Variants in SCN10A observed in about 807,000 individuals in gnomAD.
SCN10A encodes sodium channel protein type 10 subunit alpha.
In SCN10A, 162 loss-of-function variants were observed where a neutral mutation model predicts 170.7. The observed-to-expected ratio is 0.95, with a 90% CI of 0.84 to 1.08. The LOEUF (loss-of-function observed/expected upper bound fraction) is 1.08, where lower values mean the gene tolerates loss of function less well. Among genes scored for constraint, SCN10A ranks in the 50% least tolerant of loss-of-function variants. The pLI is 0.00. For synonymous variants in SCN10A, 985 were observed against 904.6 expected, an observed-to-expected ratio of 1.09 and a Z score of -1.59; for missense variants, 2,527 against 2,436.9, an observed-to-expected ratio of 1.04 and a Z score of -0.78.
At chr3:38,751,268 C>T (rs889694111) in intron 12 of SCN10A, among the ~76,000 whole-genome samples, 3 of 152,200 alleles carry the variant, frequency 2.0e-5, no homozygotes, top group African/African-American at 7.2e-5. Flanking sequence ...TCCTTTCCTT[C>T]ATCCCTTCAG....
intron 1 of SCN10A, among the ~76,000 whole-genome samples, chr3:38,813,597 A>G (rs1291236231): frequency 6.6e-6 from 1 of 152,200 alleles, no homozygotes; most frequent in Non-Finnish European, 1.5e-5. Context: ...CACAAGGCCT[A>G]TGCTCTTAGC....
chr3:38,730,609 G>C (rs1052287280), intron 15 of SCN10A, among the ~76,000 whole-genome samples: 2 of 152,010 alleles, frequency 1.3e-5, no homozygotes, highest in African/African-American at 4.8e-5. Context: ...GATATAATAT[G>C]TTAAAGAAAT....
At position 38,742,503 on chromosome 3, in the gene SCN10A, G is replaced by T; in HGVS notation, c.1894C>A (p.Pro632Thr). The change falls in exon 14 of 28, where the codon CCA (proline) becomes ACA (threonine). Residue 632 changes from proline to threonine, a missense_variant. Coordinates refer to ENST00000449082, the MANE Select transcript of SCN10A (RefSeq NM_006514.4). The stretch of plus-strand genomic sequence containing the variant: ...TGAGACAAGCTGGTCAAGCAGGGTG[G>T]GCACTTCTGTTCAGACTCCTCGAGT... Reference protein sequence around the residue: ...EELEESEQKCPPCLTSLSQKY... With the variant: ...EELEESEQKCTPCLTSLSQKY... The T allele has an allele frequency of 6.2e-7, 1 of 1,614,108 alleles. No individual in the cohort carries two copies.
At position 38,719,901 on chromosome 3, in the gene SCN10A, G is replaced by C. The variant is rs548928131; in HGVS notation, c.3508-1075C>G. ...CTGCTGGGAGTGTCGGCTGCTAATA[G>C]TTCATGGATGCAGACACCCCCTTCC... On this transcript the variant is annotated intron_variant, in intron 20 of 27. Transcript: ENST00000449082. Among the ~76,000 whole-genome samples the C allele has an allele frequency of 1.5e-4, 23 of 152,344 alleles. No homozygotes were observed. In the South Asian group the frequency reaches 3.7e-3, roughly 25 times the overall value.
At chr3:38,721,474 G>A (rs1354705821) in intron 20 of SCN10A, among the ~76,000 whole-genome samples, 4 of 152,284 alleles carry the variant, frequency 2.6e-5, no homozygotes, top group South Asian at 2.1e-4. Flanking sequence ...GTCTATTGGC[G>A]GAGTAGTTGA....
At position 38,725,074 on chromosome 3, in the gene SCN10A, C is replaced by G. The variant is rs1275231481; in HGVS notation, c.3228+100G>C. ...ATGAGGTTATGTGATTGAGTGCAGT[C>G]TGGAATACCCCACCTTCACCGCCAC... On this transcript the variant is annotated intron_variant, in intron 18 of 27. Coordinates refer to ENST00000449082, the MANE Select transcript of SCN10A (RefSeq NM_006514.4). 4 of 1,185,218 alleles carry G rather than the reference C, an allele frequency of 3.4e-6. No individual in the cohort carries two copies. The African/African-American group carries it at 6.2e-5, about 18-fold the overall frequency. The allele number at this position is 1,185,218 out of a possible 1,614,324, so 73.4% of individuals were successfully genotyped here. A position where few individuals can be genotyped will look rare whatever the true frequency, so the allele number is the denominator to read the frequency against.
Position 38,697,587 on chromosome 3 carries a change from C to G in SCN10A, c.5633G>C (p.Cys1878Ser). ...HRSMALSNTP[C>S]VPRAEEEAAS... ...AGCCTCCTCCTCAGCTCTGGGCACA[C>G]ATGGGGTGTTAGAGAGTGCCATGGA... is the stretch of plus-strand genomic sequence containing the variant. Residue 1878 changes from cysteine (C) to serine (S), a missense_variant, in exon 28 of 28, where the codon TGT becomes TCT. Coordinates refer to ENST00000449082, the MANE Select transcript of SCN10A (RefSeq NM_006514.4). 1 of 1,614,170 alleles carries G rather than the reference C, an allele frequency of 6.2e-7. No homozygotes were observed. The highest frequency in any genetic ancestry group is 1.6e-4 in the Middle Eastern group (1 of 6,062).
At position 38,742,257 on chromosome 3, in the gene SCN10A, C is replaced by A. The variant is rs368186964; in HGVS notation, c.2106+34G>T. ...CATCATCCCCACCCCGCCCCGACCACGCCAGTGAGGGCAGTACCAGCCAGA... is the reference window on the plus strand; with the variant it reads ...CATCATCCCCACCCCGCCCCGACCAAGCCAGTGAGGGCAGTACCAGCCAGA... On this transcript the variant is annotated intron_variant, in intron 14 of 27. Transcript: ENST00000449082. The A allele has an allele frequency of 1.1e-4, 165 of 1,529,584 alleles. 1 individual carries two copies. Among genetic ancestry groups the A allele is most frequent in the Admixed American group, 9.4e-4 (56 of 59,772 alleles). The allele number at this position is 1,529,584 out of a possible 1,614,324, so 94.8% of individuals were successfully genotyped here. A position where few individuals can be genotyped will look rare whatever the true frequency, so the allele number is the denominator to read the frequency against.
intron 1 of SCN10A, among the ~76,000 whole-genome samples, chr3:38,807,809 T>G (rs192783691): frequency 6.6e-6 from 1 of 152,240 alleles, no homozygotes; most frequent in South Asian, 2.1e-4. Context: ...AAGCACGCAG[T>G]TGCTCACATC....
intron 5 of SCN10A, among the ~76,000 whole-genome samples, chr3:38,771,054 T>G (rs1185530710): frequency 6.6e-6 from 1 of 152,220 alleles, no homozygotes; most frequent in African/African-American, 2.4e-5. Context: ...CTCACAGTTT[T>G]TCACCTGTCT....
chr3:38,742,286 C>T lies in SCN10A; in HGVS notation c.2106+5G>A. ...AGTGAGGGCAGTACCAGCCAGAGCA[C>T]TCACGATGTTGCCTATCTGGAGCAT... On this transcript the variant is annotated splice_donor_5th_base_variant and intron_variant, in intron 14 of 27. Transcript: ENST00000449082. 6.2e-7 allele frequency: 1 copy of T among 1,610,126 alleles called. No individual in the cohort carries two copies. Among genetic ancestry groups the T allele is most frequent in the African/African-American group, 1.3e-5 (1 of 74,880 alleles).
chr3:38,777,872 G>A (rs964800583), intron 4 of SCN10A, among the ~76,000 whole-genome samples: 3 of 152,056 alleles, frequency 2.0e-5, no homozygotes, highest in Non-Finnish European at 2.9e-5. Context: ...AATATTGGAA[G>A]CCTATCTCAT....
At chr3:38,738,474 C>A (rs533085687) in intron 15 of SCN10A, among the ~76,000 whole-genome samples, 1 of 152,296 alleles carries the variant, frequency 6.6e-6, no homozygotes, top group South Asian at 2.1e-4. Context: ...GATAGGGTCC[C>A]AAGCAGATCT....
At chr3:38,764,105 A>T (rs1410102261) in intron 5 of SCN10A, among the ~76,000 whole-genome samples, 1 of 152,256 alleles carries the variant, frequency 6.6e-6, no homozygotes, top group Non-Finnish European at 1.5e-5. Flanking sequence ...CCTTCTTCAG[A>T]GTGTGAGCCT....
chr3:38,774,664 G>A (rs1479492393), intron 4 of SCN10A, among the ~76,000 whole-genome samples: 1 of 152,102 alleles, frequency 6.6e-6, no homozygotes, highest in African/African-American at 2.4e-5. Context: ...AATTCTGAAT[G>A]GATCACTGAG....
chr3:38,751,113 G>T (rs2063742562), intron 12 of SCN10A, among the ~76,000 whole-genome samples: 1 of 152,220 alleles, frequency 6.6e-6, no homozygotes, highest in South Asian at 2.1e-4. Context: ...GATAGAAGGA[G>T]AGACAAGTCA....
intron 15 of SCN10A, among the ~76,000 whole-genome samples, chr3:38,738,434 G>C (rs1370170189): frequency 6.6e-6 from 1 of 152,190 alleles, no homozygotes; most frequent in Non-Finnish European, 1.5e-5. Flanking sequence ...GCCAAGTTCA[G>C]GGGCTCAGCA....
chr3:38,741,289 A>AACACACAC (rs60874265), intron 14 of SCN10A, among the ~76,000 whole-genome samples: 1,903 of 146,760 alleles, frequency 0.013, 20 homozygotes, highest in African/African-American at 0.026. Context: ...CGTGTGTTTG[A>AACACACAC]ACACACACAC....
chr3:38,765,588 G>A lies in SCN10A; in HGVS notation c.600-1992C>T, dbSNP rs182549545. Among the ~76,000 whole-genome samples, 554 of 152,176 alleles carry A rather than the reference G, an allele frequency of 3.6e-3. 6 individuals carry two copies. The highest frequency in any genetic ancestry group is 0.013 in the African/African-American group (523 of 41,530). ...GGTCTATGTGCTTATTTTTATACCA[G>A]TATCATGCTGTTTTGGTACAGGCTA... On this transcript the variant is annotated intron_variant, in intron 5 of 27. Transcript: ENST00000449082.
Sources: allele counts gnomAD v4.1 joint callset (sites outside exome capture counted in the v4.1 genomes callset), GRCh38; gene constraint gnomAD v4.1.1; transcripts MANE v1.5; gene names NCBI Gene and HGNC (gene_info 2026-07-23, HGNC 2026-07-21).